NDE1: variants seen among roughly 807,000 people sequenced by gnomAD.
NDE1 encodes the protein nudE neurodevelopment protein 1, also known as nuclear distribution protein nudE homolog 1.
NDE1 carries 28 observed loss-of-function variants against 43.4 expected under a neutral mutation model. That is an observed-to-expected ratio of 0.65 (90% CI 0.48 to 0.89). NDE1 has a LOEUF of 0.89. NDE1 is among the 40% of genes least tolerant of loss of function. The pLI is 0.00. For missense variants in NDE1, 441 were observed against 434.1 expected (o/e 1.02, Z -0.14); for synonymous variants, 184 against 172.0 (o/e 1.07, Z -0.55).
At chr16:15,714,208 G>T (rs1283011629) in intron 8 of NDE1, 2 of 153,778 alleles carry the variant, frequency 1.3e-5, no homozygotes, top group Non-Finnish European at 2.9e-5. Flanking sequence ...CTTGGGAGCA[G>T]GGGGGACCCC....
intron 8 of NDE1, chr16:15,703,194 G>A (rs1472037924): frequency 4.9e-6 from 1 of 204,460 alleles, no homozygotes; most frequent in African/African-American, 2.3e-5. Flanking sequence ...GGTGTAAACA[G>A]TGCAGCATTC....
At chr16:15,713,456 G>C (rs1264651863) in intron 8 of NDE1, 4 of 151,874 alleles carry the variant, frequency 2.6e-5, no homozygotes, top group Admixed American at 2.6e-4. Flanking sequence ...GGTGTGGGAG[G>C]ACCCCTGAGC....
chr16:15,698,473 G>A (rs1053882821), intron 8 of NDE1, among the ~76,000 whole-genome samples: 9 of 152,162 alleles, frequency 5.9e-5, no homozygotes, highest in East Asian at 1.9e-4. Context: ...GCCCCAAGCC[G>A]TAGGAATTTG....
chr16:15,699,968 C>T (rs543925504), intron 8 of NDE1: 1 of 1,206,012 alleles, frequency 8.3e-7, no homozygotes, highest in Admixed American at 3.2e-5. Flanking sequence ...AAGCCAATGA[C>T]CGAGGCCATC....
At chr16:15,708,151 C>T (rs1465777846) in intron 8 of NDE1, among the ~76,000 whole-genome samples, 2 of 151,984 alleles carry the variant, frequency 1.3e-5, no homozygotes, top group African/African-American at 4.8e-5. Flanking sequence ...CAGCTTCCAC[C>T]CCGTGTGCTG....
rs376779423 is a variant in NDE1 at position 15,720,834 on chromosome 16, C to T, written c.948-3357C>T. The T allele has an allele frequency of 4.0e-5, 65 of 1,613,018 alleles. No individual in the cohort carries two copies. Among genetic ancestry groups the T allele is most frequent in the Non-Finnish European group, 4.9e-5 (58 of 1,179,954 alleles). ...CCCTCTGCTGGCCTCCCCGGCAGCA[C>T]GCACCTGTCTCTGCAGTTGCCTCCT... On this transcript the variant is annotated intron_variant, in intron 8 of 8. Transcript: ENST00000396354.
chr16:15,644,200 A>C (rs923696035), intron 1 of NDE1, among the ~76,000 whole-genome samples: 4 of 152,230 alleles, frequency 2.6e-5, no homozygotes, highest in African/African-American at 9.6e-5. Flanking sequence ...TTATTTTTAA[A>C]GTTTGCCCAG....
rs1309442784 is a variant in NDE1 at position 15,724,707 on chromosome 16, C to A, written c.*456C>A. ...TCTGCTTGGCCTCCATCTCCTCGTCCAGCTGGTCTTGCAGGCTGTTCCGCT... is the reference window on the plus strand; with the variant it reads ...TCTGCTTGGCCTCCATCTCCTCGTCAAGCTGGTCTTGCAGGCTGTTCCGCT... On this transcript the variant is annotated 3_prime_UTR_variant, in exon 9 of 9. Transcript: ENST00000396354. 7.4e-6 allele frequency: 12 copies of A among 1,614,050 alleles called. No individual in the cohort carries two copies. Among genetic ancestry groups the A allele is most frequent in the Non-Finnish European group, 1.0e-5 (12 of 1,180,030 alleles).
In NDE1 at chr16:15,667,571, C is replaced by T. The variant is rs113087890; in HGVS notation, c.237+132C>T. The T allele has an allele frequency of 3.5e-4, 380 of 1,093,820 alleles. No individual in the cohort carries two copies. The African/African-American group carries it at 5.1e-3, about 15-fold the overall frequency. 67.8% of individuals were successfully genotyped at this position (1,093,820 alleles called of 1,614,324 possible). On this transcript the variant is annotated intron_variant, in intron 3 of 8. Coordinates refer to ENST00000396354, the MANE Select transcript of NDE1 (RefSeq NM_017668.3). ...GGCCCATGCTCATCTCTGGAAGGGC[C>T]TGTGCGGCAGACGTGATCTTTGAAC...
chr16:15,724,715 C>G lies in NDE1; in HGVS notation c.*464C>G, dbSNP rs1285916662. ...GCCTCCATCTCCTCGTCCAGCTGGT[C>G]TTGCAGGCTGTTCCGCTCCTCCTCC... On this transcript the variant is annotated 3_prime_UTR_variant, in exon 9 of 9. Transcript: ENST00000396354. 1.2e-6 allele frequency: 2 copies of G among 1,614,100 alleles called. No homozygotes were observed. The highest frequency in any genetic ancestry group is 2.7e-5 in the African/African-American group (2 of 74,950).
intron 8 of NDE1, chr16:15,721,022 G>A: frequency 1.9e-6 from 3 of 1,613,844 alleles, no homozygotes; most frequent in Non-Finnish European, 2.5e-6. Context: ...GGGTCTCCAG[G>A]GCCCGCTTGG....
At chr16:15,695,727 C>A (rs1318154924) in intron 7 of NDE1, 1 of 984,510 alleles carries the variant, frequency 1.0e-6, no homozygotes, top group African/African-American at 1.7e-5. Context: ...CAACTCATTT[C>A]TTTTGTTTTT....
rs553558663 is a variant in NDE1, at chr16:15,694,146, C to A, written c.704-19C>A. 2 of 1,611,788 alleles carry A rather than the reference C, an allele frequency of 1.2e-6. No homozygotes were observed. Among genetic ancestry groups the A allele is most frequent in the Non-Finnish European group, 1.7e-6 (2 of 1,179,860 alleles). On this transcript the variant is annotated intron_variant, in intron 6 of 8. Coordinates refer to ENST00000396354, the MANE Select transcript of NDE1 (RefSeq NM_017668.3). ...ACTATAGGTTGGTGAGTTACATGCTCTTCCCTTTGCACACCCAGGCCTGGA... is the reference window on the plus strand; with the variant it reads ...ACTATAGGTTGGTGAGTTACATGCTATTCCCTTTGCACACCCAGGCCTGGA...
At chr16:15,668,622 G>A (rs1297602388) in intron 3 of NDE1, among the ~76,000 whole-genome samples, 1 of 152,164 alleles carries the variant, frequency 6.6e-6, no homozygotes, top group Admixed American at 6.6e-5. Context: ...GTCCAATATT[G>A]TAGCCCTTAG....
intron 3 of NDE1, among the ~76,000 whole-genome samples, chr16:15,673,046 C>T (rs1232314807): frequency 6.6e-6 from 1 of 152,218 alleles, no homozygotes; most frequent in Admixed American, 6.5e-5. Context: ...GGCCTAGGCA[C>T]CATTACATCA....
intron 3 of NDE1, among the ~76,000 whole-genome samples, chr16:15,676,067 C>T (rs1262477854): frequency 1.3e-5 from 2 of 152,038 alleles, no homozygotes; most frequent in East Asian, 3.9e-4. Context: ...GTCAGCTGGA[C>T]TGTTCCTTTG....
In NDE1 at chr16:15,657,931, A is replaced by T. The variant is rs191082702; in HGVS notation, c.-43-6805A>T. Among the ~76,000 whole-genome samples, 4 of 152,282 alleles carry T rather than the reference A, an allele frequency of 2.6e-5. No homozygotes were observed. The East Asian group carries it at 7.7e-4, about 29-fold the overall frequency. The stretch of plus-strand genomic sequence containing the variant: ...TCTACCCTTTTGACTTTGAGCAAGT[A>T]AGGTCGTTGATTCCATACATTCATT... On this transcript the variant is annotated intron_variant, in intron 1 of 8. Transcript: ENST00000396354.
Position 15,717,768 on chromosome 16 carries a change from C to T in NDE1, c.948-6423C>T, listed in dbSNP as rs2040240740. The T allele has an allele frequency of 3.1e-5, 9 of 287,850 alleles. 1 individual carries two copies. The South Asian group carries it at 3.2e-4, about 10-fold the overall frequency. The allele number at this position is 287,850 out of a possible 1,614,324, so 17.8% of individuals were successfully genotyped here. ...CCAAGATTGCGCCACTGCACTCCAG[C>T]CTGGGCCACAGAGAGACCCTGTCTC... On this transcript the variant is annotated intron_variant, in intron 8 of 8. Coordinates refer to ENST00000396354, the MANE Select transcript of NDE1 (RefSeq NM_017668.3).
chr16:15,673,996 G>A (rs781168428), intron 3 of NDE1, among the ~76,000 whole-genome samples: 2 of 152,176 alleles, frequency 1.3e-5, no homozygotes, highest in Non-Finnish European at 2.9e-5. Context: ...GGCTAGTTAA[G>A]TAATTGAGTC....
Sources: allele counts gnomAD v4.1 joint callset (sites outside exome capture counted in the v4.1 genomes callset), GRCh38; gene constraint gnomAD v4.1.1; transcripts MANE v1.5; gene names NCBI Gene and HGNC (gene_info 2026-07-23, HGNC 2026-07-21).